ZNF292: variants seen among roughly 807,000 people sequenced by gnomAD.
The protein encoded by ZNF292 is zinc finger protein 292.
In ZNF292, 26 loss-of-function variants were observed where a neutral mutation model predicts 217.9. That is an observed-to-expected ratio of 0.12 (90% CI 0.09 to 0.17). ZNF292 has a LOEUF of 0.17. Among genes scored for constraint, ZNF292 ranks in the 10% least tolerant of loss-of-function variants. The pLI, the probability that ZNF292 is intolerant of heterozygous loss-of-function variation, is 1.00. For missense variants in ZNF292, 2,904 were observed against 3,175.2 expected (o/e 0.91, Z 2.05); for synonymous variants, 1,257 against 1,124.1 (o/e 1.12, Z -2.37).
chr6:87,196,720 G>C (rs1036631128), intron 1 of ZNF292, among the ~76,000 whole-genome samples: 1 of 152,194 alleles, frequency 6.6e-6, no homozygotes, highest in African/African-American at 2.4e-5. Context: ...TTTCAGAACT[G>C]TGCAAAAGCA....
chr6:87,171,914 C>T (rs1771112218), intron 1 of ZNF292, among the ~76,000 whole-genome samples: 1 of 152,150 alleles, frequency 6.6e-6, no homozygotes, highest in Admixed American at 6.5e-5. Flanking sequence ...GCGGAACATA[C>T]TTATTATTGA....
chr6:87,230,284 A>C (rs1367162110), intron 4 of ZNF292, among the ~76,000 whole-genome samples: 2 of 152,238 alleles, frequency 1.3e-5, no homozygotes, highest in African/African-American at 4.8e-5. Flanking sequence ...CCAGTAAATG[A>C]GTTGACCCCA....
intron 7 of ZNF292, chr6:87,249,581 G>T (rs1458510380): frequency 6.3e-6 from 1 of 159,054 alleles, no homozygotes; most frequent in African/African-American, 2.4e-5. Context: ...TAGAATCATA[G>T]ATTATTATTA....
At chr6:87,176,786 C>T (rs918065644) in intron 1 of ZNF292, among the ~76,000 whole-genome samples, 1 of 152,164 alleles carries the variant, frequency 6.6e-6, no homozygotes, top group Non-Finnish European at 1.5e-5. Context: ...CATTATCTCC[C>T]GTCACTCACT....
In ZNF292 at chr6:87,257,996, T is replaced by C; in HGVS notation, c.4367T>C (p.Leu1456Pro). Reference protein sequence around the residue: ...ACFKDPSFLQLLAENRSPAFL... With the variant: ...ACFKDPSFLQPLAENRSPAFL... ...TTTAAAGATCCATCATTTCTACAGC[T>C]TCTTGCTGAAAATCGCTCGCCAGCA... Residue 1456 changes from leucine (L) to proline (P), a missense_variant, in exon 8 of 8, where the codon CTT becomes CCT. This residue lies in a region of ZNF292 where 622 missense variants were observed against 573.1 expected (regional missense o/e 1.09). Coordinates refer to ENST00000369577, the MANE Select transcript of ZNF292 (RefSeq NM_015021.3). The C allele has an allele frequency of 6.2e-7, 1 of 1,613,944 alleles. No individual in the cohort carries two copies. The highest frequency in any genetic ancestry group is 8.5e-7 in the Non-Finnish European group (1 of 1,179,826).
At chr6:87,249,971 A>G (rs1290613455) in intron 7 of ZNF292, among the ~76,000 whole-genome samples, 1 of 150,446 alleles carries the variant, frequency 6.6e-6, no homozygotes, top group Admixed American at 6.7e-5. Context: ...CAGCCTCCCA[A>G]AGTGCTAGGA....
At chr6:87,172,595 T>C (rs568705227) in intron 1 of ZNF292, among the ~76,000 whole-genome samples, 44 of 152,170 alleles carry the variant, frequency 2.9e-4, no homozygotes, top group African/African-American at 1.0e-3. Flanking sequence ...ATAAATGCCC[T>C]GAGTTTTTCT....
At chr6:87,220,521 T>A (rs1238418919) in intron 4 of ZNF292, among the ~76,000 whole-genome samples, 1 of 152,192 alleles carries the variant, frequency 6.6e-6, no homozygotes, top group Non-Finnish European at 1.5e-5. Flanking sequence ...TAATGCCCTG[T>A]TGCATCTAGC....
chr6:87,183,832 G>A (rs1027442138), intron 1 of ZNF292, among the ~76,000 whole-genome samples: 4 of 152,268 alleles, frequency 2.6e-5, no homozygotes, highest in East Asian at 1.9e-4. Flanking sequence ...TTGTATACAC[G>A]CAGTATTATA....
At chr6:87,214,528 C>G (rs1184323501) in intron 1 of ZNF292, among the ~76,000 whole-genome samples, 1 of 152,100 alleles carries the variant, frequency 6.6e-6, no homozygotes, top group East Asian at 1.9e-4. Flanking sequence ...TCCTGGATAT[C>G]TGAGAAACAC....
rs1775243939 is a variant in ZNF292, at chr6:87,256,795, A to G, written c.3166A>G (p.Thr1056Ala). 1 of 1,613,182 alleles carries G rather than the reference A, an allele frequency of 6.2e-7. No individual in the cohort carries two copies. Reference sequence around the variant, plus strand: ...ATTTGAATGTGGAGATAATGTTAAAACATCATCCAATCTTTATAATTTACC... The same window carrying G: ...ATTTGAATGTGGAGATAATGTTAAAGCATCATCCAATCTTTATAATTTACC... ...SKFECGDNVK[T>A]SSNLYNLPLK... is the part of the protein sequence containing the mutation. The change falls in exon 8 of 8, where the codon ACA (threonine) becomes GCA (alanine). Residue 1056 changes from threonine (T) to alanine (A), a missense_variant. Physicochemically the swap from Thr to Ala is moderately conservative, Grantham distance 58. Transcript: ENST00000369577.
rs1329579298 is a variant in ZNF292, at chr6:87,260,574, T to G, written c.6945T>G (p.His2315Gln). 1.2e-6 allele frequency: 2 copies of G among 1,612,494 alleles called. No individual in the cohort carries two copies. The highest frequency in any genetic ancestry group is 2.7e-5 in the African/African-American group (2 of 74,692). The change falls in exon 8 of 8, where the codon CAT (histidine) becomes CAG (glutamine). Residue 2315 changes from histidine (H) to glutamine (Q), a missense_variant. Physicochemically the swap from His to Gln is conservative, Grantham distance 24. Coordinates refer to ENST00000369577, the MANE Select transcript of ZNF292 (RefSeq NM_015021.3). Reference sequence around the variant, plus strand: ...ACCAAGAAAAATCAAAGTCTAAACATCGGGGGACCAAGCACAGCAGATGTG... The same window carrying G: ...ACCAAGAAAAATCAAAGTCTAAACAGCGGGGGACCAAGCACAGCAGATGTG... The part of the protein sequence containing the change: ...KANQEKSKSK[H>Q]RGTKHSRCGK...
At chr6:87,239,694 G>C (rs867005740) in intron 5 of ZNF292, among the ~76,000 whole-genome samples, 35,471 of 74,856 alleles carry the variant, frequency 0.47, 10,423 homozygotes, top group African/African-American at 0.69. Flanking sequence ...CGGGCGGAGG[G>C]GCTCCTCACC....
chr6:87,185,916 A>G (rs1771634367), intron 1 of ZNF292, among the ~76,000 whole-genome samples: 2 of 152,050 alleles, frequency 1.3e-5, no homozygotes, highest in Non-Finnish European at 1.5e-5. Context: ...GCCTGGGTAC[A>G]CCTCCCTCCA....
rs940950646 is a variant in ZNF292 at position 87,255,612 on chromosome 6, A to C, written c.1983A>C (p.Lys661Asn). ...GTTCAGATGATGAGAATGATGACAA[A>C]GATAAATCCTATGAGCCAGAAGTGA... ...NDGSDDENDD[K>N]DKSYEPEVIP... is the part of the protein sequence containing the mutation. The change falls in exon 8 of 8, where the codon AAA becomes AAC. Residue 661 changes from lysine (K) to asparagine (N), a missense_variant. Transcript: ENST00000369577. 1.2e-6 allele frequency: 2 copies of C among 1,612,124 alleles called. No homozygotes were observed. Among genetic ancestry groups the C allele is most frequent in the African/African-American group, 2.7e-5 (2 of 74,926 alleles).
chr6:87,247,039 C>T (rs1417172261), intron 7 of ZNF292, among the ~76,000 whole-genome samples: 5 of 152,052 alleles, frequency 3.3e-5, no homozygotes, highest in African/African-American at 4.8e-5. Context: ...CCTGTAGTCC[C>T]AGCTACTCTG....
chr6:87,226,464 G>A (rs997573178), intron 4 of ZNF292, among the ~76,000 whole-genome samples: 1 of 151,658 alleles, frequency 6.6e-6, no homozygotes, highest in African/African-American at 2.4e-5. Context: ...GGTAAATAGG[G>A]TGAGGTCAGA....
intron 4 of ZNF292, among the ~76,000 whole-genome samples, chr6:87,230,849 A>G (rs907682984): frequency 1.1e-4 from 16 of 152,220 alleles, no homozygotes; most frequent in Admixed American, 2.0e-4. Flanking sequence ...TATGTCACAT[A>G]GCTTTCTTGA....
intron 1 of ZNF292, among the ~76,000 whole-genome samples, chr6:87,202,043 A>G (rs1236664107): frequency 2.0e-5 from 3 of 152,200 alleles, no homozygotes; most frequent in African/African-American, 7.2e-5. Flanking sequence ...TGGCTCTTCA[A>G]AATTGATTTG....
Sources: allele counts gnomAD v4.1 joint callset (sites outside exome capture counted in the v4.1 genomes callset), GRCh38; gene constraint gnomAD v4.1.1; regional missense constraint gnomAD v4.1.1; transcripts MANE v1.5; gene names NCBI Gene and HGNC (gene_info 2026-07-23, HGNC 2026-07-21).